KHDRBS2: variants seen among roughly 807,000 people sequenced by gnomAD.
The protein encoded by KHDRBS2 is KH RNA binding domain containing, signal transduction associated 2.
In KHDRBS2, 26 loss-of-function variants were observed where a neutral mutation model predicts 44.3. That is an observed-to-expected ratio of 0.59 (90% CI 0.43 to 0.81). KHDRBS2 has a LOEUF of 0.81. Ranked by LOEUF, KHDRBS2 falls within the 40% of genes least tolerant of loss-of-function variation. The probability of loss-of-function intolerance (pLI) is 0.00; values close to 1 mark genes in which losing one functional copy is unlikely to be tolerated. For synonymous variants in KHDRBS2, 194 were observed against 151.1 expected, an observed-to-expected ratio of 1.28 and a Z score of -2.08; for missense variants, 476 against 433.1, an observed-to-expected ratio of 1.10 and a Z score of -0.88.
At chr6:61,638,115 C>T in the KHDRBS2 span, among the ~76,000 whole-genome samples, 1 of 152,072 alleles carries the variant, frequency 6.6e-6, no homozygotes, top group Non-Finnish European at 1.5e-5. Flanking sequence ...TCTTCCCCAT[C>T]AAGCTACCAA....
chr6:61,737,446 C>A (rs767981938), intron 6 of KHDRBS2, among the ~76,000 whole-genome samples: 1 of 151,938 alleles, frequency 6.6e-6, no homozygotes, highest in Non-Finnish European at 1.5e-5. Context: ...TGTATGTAAA[C>A]GTATAGTACT....
Position 62,160,820 on chromosome 6 carries a change from T to C in KHDRBS2, c.219+16365A>G, listed in dbSNP as rs1817463207. 3.9e-5 allele frequency among the ~76,000 whole-genome samples: 6 copies of C among 152,166 alleles called. No individual in the cohort carries two copies. In the South Asian group the frequency reaches 1.2e-3, roughly 32 times the overall value. ...CAATTTTTAAAAAATTTTGGGGAAA[T>C]ACATATAAAATATTACTATATTTAC... On this transcript the variant is annotated intron_variant, in intron 2 of 8. Coordinates refer to ENST00000281156, the MANE Select transcript of KHDRBS2 (RefSeq NM_152688.4).
the KHDRBS2 span, among the ~76,000 whole-genome samples, chr6:61,617,905 T>G: frequency 2.0e-5 from 3 of 152,190 alleles, no homozygotes; most frequent in Non-Finnish European, 4.4e-5. Flanking sequence ...CATAAAAATT[T>G]TTTTAAAGCA....
At chr6:61,703,748 A>C (rs1469942114) in intron 7 of KHDRBS2, among the ~76,000 whole-genome samples, 1 of 151,902 alleles carries the variant, frequency 6.6e-6, no homozygotes, top group African/African-American at 2.4e-5. Context: ...AACTCTCACC[A>C]CCAACCAGAA....
intron 3 of KHDRBS2, among the ~76,000 whole-genome samples, chr6:62,012,213 A>T (rs574317567): frequency 6.6e-6 from 1 of 152,236 alleles, no homozygotes; most frequent in Non-Finnish European, 1.5e-5. Context: ...TTGATTATTC[A>T]CTCTTCCTCA....
chr6:62,114,792 C>A (rs962113785), intron 2 of KHDRBS2, among the ~76,000 whole-genome samples: 3 of 151,932 alleles, frequency 2.0e-5, no homozygotes, highest in African/African-American at 7.3e-5. Context: ...CTCAACCACC[C>A]CAATTTTATT....
the KHDRBS2 span, among the ~76,000 whole-genome samples, chr6:61,632,758 C>T: frequency 6.6e-6 from 1 of 152,054 alleles, no homozygotes. Context: ...GGTGGTTCAC[C>T]TCAAATTCAT....
intron 2 of KHDRBS2, among the ~76,000 whole-genome samples, chr6:62,055,372 T>C (rs1454267061): frequency 6.6e-6 from 1 of 152,022 alleles, no homozygotes; most frequent in African/African-American, 2.4e-5. Flanking sequence ...TTTAAGACCA[T>C]GATGACATAA....
At chr6:61,965,544 T>A (rs946237402) in intron 4 of KHDRBS2, among the ~76,000 whole-genome samples, 2 of 152,074 alleles carry the variant, frequency 1.3e-5, no homozygotes, top group Non-Finnish European at 2.9e-5. Flanking sequence ...AGAGGGTAGA[T>A]ATTTTCCAGA....
intron 2 of KHDRBS2, among the ~76,000 whole-genome samples, chr6:62,086,362 T>A (rs2127359432): frequency 6.6e-6 from 1 of 152,262 alleles, no homozygotes; most frequent in African/African-American, 2.4e-5. Context: ...GACTTGAAGC[T>A]TTGATAGCTA....
At chr6:61,741,868 T>C (rs1417609736) in intron 6 of KHDRBS2, among the ~76,000 whole-genome samples, 1 of 152,002 alleles carries the variant, frequency 6.6e-6, no homozygotes, top group African/African-American at 2.4e-5. Flanking sequence ...ACATTTTCTG[T>C]GAAGACTTTA....
At chr6:61,937,553 T>C (rs1811262338) in intron 4 of KHDRBS2, among the ~76,000 whole-genome samples, 1 of 152,082 alleles carries the variant, frequency 6.6e-6, no homozygotes, top group Non-Finnish European at 1.5e-5. Flanking sequence ...AATTTCTTCT[T>C]TGAAAACTTC....
chr6:62,140,516 A>C (rs1295266512), intron 2 of KHDRBS2, among the ~76,000 whole-genome samples: 1 of 152,240 alleles, frequency 6.6e-6, no homozygotes, highest in African/African-American at 2.4e-5. Context: ...AGAATAGATG[A>C]TTAGGGGTTC....
At chr6:61,977,005 C>T (rs1229307543) in intron 4 of KHDRBS2, among the ~76,000 whole-genome samples, 1 of 152,048 alleles carries the variant, frequency 6.6e-6, no homozygotes, top group Non-Finnish European at 1.5e-5. Flanking sequence ...ATTCTATAAC[C>T]TTGCCTTGAC....
At chr6:62,004,568 T>C (rs1230115754) in intron 3 of KHDRBS2, among the ~76,000 whole-genome samples, 1 of 152,020 alleles carries the variant, frequency 6.6e-6, no homozygotes, top group Non-Finnish European at 1.5e-5. Context: ...CACAGCCGAA[T>C]TCTACCAGAG....
intron 7 of KHDRBS2, among the ~76,000 whole-genome samples, chr6:61,731,462 A>G (rs1774437246): frequency 6.6e-6 from 1 of 152,040 alleles, no homozygotes; most frequent in African/African-American, 2.4e-5. Context: ...CTTATTTCTA[A>G]TTGCCCACAG....
intron 7 of KHDRBS2, among the ~76,000 whole-genome samples, chr6:61,724,611 A>G (rs760507830): frequency 1.3e-5 from 2 of 152,196 alleles, no homozygotes; most frequent in African/African-American, 2.4e-5. Context: ...AAAGGGATGG[A>G]GGAGAATTTA....
chr6:62,177,373 C>A, intron 1 of KHDRBS2, 61 bp from the exon 2 acceptor site: 6 of 1,287,616 alleles, frequency 4.7e-6, no homozygotes, highest in Non-Finnish European at 5.4e-6. Context: ...CATAAATATG[C>A]TGAAAAATGT....
At chr6:62,124,246 T>G (rs765531285) in intron 2 of KHDRBS2, among the ~76,000 whole-genome samples, 4 of 152,164 alleles carry the variant, frequency 2.6e-5, no homozygotes, top group Admixed American at 6.5e-5. Context: ...ACCTCAATCC[T>G]GAGTACCAAT....
Sources: allele counts gnomAD v4.1 joint callset (sites outside exome capture counted in the v4.1 genomes callset), GRCh38; gene constraint gnomAD v4.1.1; transcripts MANE v1.5; gene names NCBI Gene and HGNC (gene_info 2026-07-23, HGNC 2026-07-21).